Variants in SLC22A5 observed in about 807,000 individuals in gnomAD.
SLC22A5 encodes the protein organic cation/carnitine transporter 2.
SLC22A5 carries 44 observed loss-of-function variants against 56.7 expected under a neutral mutation model. That is an observed-to-expected ratio of 0.78 (90% confidence interval 0.61 to 1.00). SLC22A5 has a LOEUF of 1.00. Ranked by LOEUF, SLC22A5 falls within the 50% of genes least tolerant of loss-of-function variation. The pLI is 0.00. For synonymous variants in SLC22A5, 278 were observed against 292.1 expected (o/e 0.95, Z 0.49); for missense variants, 675 against 723.0 (o/e 0.93, Z 0.76).
intron 5 of SLC22A5, among the ~76,000 whole-genome samples, chr5:132,388,267 A>C (rs2126787380): frequency 6.6e-6 from 1 of 152,330 alleles, no homozygotes; most frequent in South Asian, 2.1e-4. Flanking sequence ...TTTCAGTCCA[A>C]AGTTGACCTT....
At chr5:132,390,993 C>A in intron 7 of SLC22A5, 89 bp downstream of exon 7, 1 of 1,085,248 alleles carries the variant, frequency 9.2e-7, no homozygotes, top group Non-Finnish European at 1.4e-6. Flanking sequence ...AGAATAAAAT[C>A]AAGCCCATCA....
chr5:132,393,404 A>C (rs1752773830), intron 8 of SLC22A5, among the ~76,000 whole-genome samples: 1 of 152,162 alleles, frequency 6.6e-6, no homozygotes, highest in Non-Finnish European at 1.5e-5. Context: ...AATAGGAATA[A>C]TCAGCATGGC....
At position 132,385,393 on chromosome 5, in the gene SLC22A5, G is replaced by A; in HGVS notation, c.718G>A (p.Ala240Thr). 1.2e-6 allele frequency: 2 copies of A among 1,613,980 alleles called. No homozygotes were observed. The highest frequency in any genetic ancestry group is 1.7e-6 in the Non-Finnish European group (2 of 1,179,814). The change falls in exon 4 of 10, where the codon GCA (alanine) becomes ACA (threonine). Residue 240 changes from alanine to threonine, a missense_variant. By Grantham distance (58) the Ala-to-Thr change is moderately conservative. Transcript: ENST00000245407. ...TACGTTAGGAGTGTGCATATTTTAT[G>A]CATTTGGCTACATGGTGCTGCCACT... The part of the protein sequence containing the change: ...FSTLGVCIFY[A>T]FGYMVLPLFA...
chr5:132,374,616 G>A (rs567284509), intron 1 of SLC22A5, among the ~76,000 whole-genome samples: 2 of 152,194 alleles, frequency 1.3e-5, no homozygotes, highest in South Asian at 2.1e-4. Flanking sequence ...AGCCACTTGC[G>A]GGGTCCCGTG....
chr5:132,374,707 A>C (rs200838), intron 1 of SLC22A5, among the ~76,000 whole-genome samples: 90,009 of 151,330 alleles, frequency 0.59, 27,583 homozygotes, highest in East Asian at 1. Context: ...TGACACCTGT[A>C]ATCCTGGGTC....
chr5:132,378,130 A>G (rs1752210369), intron 1 of SLC22A5: 2 of 1,554,720 alleles, frequency 1.3e-6, no homozygotes, highest in Admixed American at 2.0e-5. Context: ...CAGAACACTT[A>G]CTCTCTGCCT....
chr5:132,383,345 T>C (rs1474778806), intron 2 of SLC22A5: 3 of 150,854 alleles, frequency 2.0e-5, no homozygotes, highest in Non-Finnish European at 4.4e-5. Context: ...TTCTATCGCC[T>C]TCTATGCCTT....
At chr5:132,393,932 C>G in intron 9 of SLC22A5, 121 bp downstream of exon 9, 1 of 1,232,770 alleles carries the variant, frequency 8.1e-7, no homozygotes, top group Non-Finnish European at 1.2e-6. Context: ...ACTAGTTTAG[C>G]CATTAAAGGG....
chr5:132,382,569 C>T (rs1051718381), intron 2 of SLC22A5: 6 of 152,140 alleles, frequency 3.9e-5, no homozygotes, highest in African/African-American at 1.4e-4. Context: ...AATCCCCCAT[C>T]GTCAACTATT....
Position 132,384,005 on chromosome 5 carries a change from G to A in SLC22A5, c.498-142G>A, listed in dbSNP as rs139207854. ...GAAATAGCATGGGCACTGTGAGACC[G>A]AGACTGTCCCTGGCAGCCAGTATTC... On this transcript the variant is annotated intron_variant, in intron 2 of 9. Transcript: ENST00000245407. The A allele has an allele frequency of 6.2e-4, 519 of 831,026 alleles. 3 individuals carry two copies. The African/African-American group carries it at 7.5e-3, about 12-fold the overall frequency. The allele number at this position is 831,026 out of a possible 1,614,324, so 51.5% of individuals were successfully genotyped here. A position where few individuals can be genotyped will look rare whatever the true frequency, so the allele number is the denominator to read the frequency against.
intron 6 of SLC22A5, 34 bp downstream of exon 6, chr5:132,389,055 C>T (rs771632490): frequency 3.5e-6 from 5 of 1,437,148 alleles, no homozygotes; most frequent in Non-Finnish European, 2.9e-6. Flanking sequence ...GGCTTCCAGA[C>T]AAAGCTTCTT....
intron 6 of SLC22A5, chr5:132,389,614 C>T (rs534672371): frequency 1.1e-4 from 18 of 159,576 alleles, no homozygotes; most frequent in Non-Finnish European, 2.1e-4. Context: ...GCTCAGCGGC[C>T]GAACCCTGGG....
rs146712063 is a variant in SLC22A5 at position 132,383,913 on chromosome 5, T to A, written c.498-234T>A. ...TCTCTTGCAATCATTATCATAATTG[T>A]AGCATTGCTTTTTAGGCAACCCTGG... On this transcript the variant is annotated intron_variant, in intron 2 of 9. Coordinates refer to ENST00000245407, the MANE Select transcript of SLC22A5 (RefSeq NM_003060.4). 1.3e-4 allele frequency: 75 copies of A among 579,798 alleles called. No individual in the cohort carries two copies. In the East Asian group the frequency reaches 2.1e-3, roughly 16 times the overall value. 35.9% of individuals were successfully genotyped at this position (579,798 alleles called of 1,614,324 possible).
At chr5:132,378,619 T>C in intron 2 of SLC22A5, 138 bp downstream of exon 2, 1 of 739,248 alleles carries the variant, frequency 1.4e-6, no homozygotes, top group Non-Finnish European at 2.4e-6. Context: ...ATGTCTGTGA[T>C]ATAGACTCCA....
chr5:132,380,101 CAG>C (rs1752295735), intron 2 of SLC22A5: 1 of 152,280 alleles, frequency 6.6e-6, no homozygotes, highest in African/African-American at 2.4e-5. Context: ...CAGAGGAGGT[CAG>C]GGGCAGCATC....
chr5:132,374,584 C>T (rs1230996224), intron 1 of SLC22A5, among the ~76,000 whole-genome samples: 1 of 152,150 alleles, frequency 6.6e-6, no homozygotes, highest in Non-Finnish European at 1.5e-5. Flanking sequence ...CAGCCTTTTG[C>T]AGCTATATGG....
chr5:132,378,358 C>G lies in SLC22A5; in HGVS notation c.394-20C>G. The G allele has an allele frequency of 1.2e-6, 2 of 1,611,608 alleles. No homozygotes were observed. Among genetic ancestry groups the G allele is most frequent in the Non-Finnish European group, 8.5e-7 (1 of 1,177,722 alleles). On this transcript the variant is annotated intron_variant, in intron 1 of 9. Transcript: ENST00000245407. ...TTTTAAAAAGAAGTGAATGATACACCCCCTTTGCTCATCTTGCAGTGGAAC... is the reference window on the plus strand; with the variant it reads ...TTTTAAAAAGAAGTGAATGATACACGCCCTTTGCTCATCTTGCAGTGGAAC...
chr5:132,393,812 G>C lies in SLC22A5; in HGVS notation c.1586+1G>C. On this transcript the variant is annotated splice_donor_variant, in intron 9 of 9. Coordinates refer to ENST00000245407, the MANE Select transcript of SLC22A5 (RefSeq NM_003060.4). LOFTEE classifies it high-confidence loss of function. ...TTGACCAGATGCTAAGAGTCAAAGGGTAAGAAGACCTCCTCTGTCAGTGTT... is the reference window on the plus strand; with the variant it reads ...TTGACCAGATGCTAAGAGTCAAAGGCTAAGAAGACCTCCTCTGTCAGTGTT... 1 of 1,614,170 alleles carries C rather than the reference G, an allele frequency of 6.2e-7. No homozygotes were observed. The highest frequency in any genetic ancestry group is 8.5e-7 in the Non-Finnish European group (1 of 1,180,014).
intron 6 of SLC22A5, 162 bp downstream of exon 6, chr5:132,389,183 A>G (rs1752624827): frequency 1.5e-6 from 1 of 651,832 alleles, no homozygotes; most frequent in Non-Finnish European, 2.8e-6. Context: ...GCATGTCACA[A>G]TTCTTAATGG....
Sources: gnomAD v4.1 joint callset for allele counts (sites outside exome capture counted in the v4.1 genomes callset) on GRCh38, gnomAD v4.1.1 for gene constraint, MANE v1.5 for transcripts, NCBI Gene and HGNC (gene_info 2026-07-23, HGNC 2026-07-21) for gene names.